KCNK1: variants seen among roughly 807,000 people sequenced by gnomAD.
KCNK1 encodes the protein potassium channel subfamily K member 1.
In KCNK1, 10 loss-of-function variants were observed where a neutral mutation model predicts 22.2. The observed-to-expected ratio is 0.45, with a 90% CI of 0.28 to 0.76. The LOEUF (loss-of-function observed/expected upper bound fraction) is 0.76. Among genes scored for constraint, KCNK1 ranks in the 30% least tolerant of loss-of-function variants. The probability of loss-of-function intolerance (pLI) is 0.14; values close to 1 mark genes in which losing one functional copy is unlikely to be tolerated. For synonymous variants in KCNK1, 200 were observed against 186.4 expected, an observed-to-expected ratio of 1.07 and a Z score of -0.60; for missense variants, 378 against 421.0, an observed-to-expected ratio of 0.90 and a Z score of 0.89.
At position 233,649,292 on chromosome 1, in the gene KCNK1, T is replaced by G. The variant is rs568613491; in HGVS notation, c.356-17303T>G. On this transcript the variant is annotated intron_variant, in intron 1 of 2. Coordinates refer to ENST00000366621, the MANE Select transcript of KCNK1 (RefSeq NM_002245.4). ...TCCAGAGGCTGTCTCAGCAAGTGCT[T>G]AAGTATCTAGACTAGAAATTCCCTT... 2.0e-5 allele frequency among the ~76,000 whole-genome samples: 3 copies of G among 152,336 alleles called. No individual in the cohort carries two copies. In the South Asian group the frequency reaches 6.2e-4, roughly 32 times the overall value.
At position 233,666,689 on chromosome 1, in the gene KCNK1, G is replaced by A. The variant is rs754284214; in HGVS notation, c.450G>A (p.Thr150=). ...IGIPFTLLFL[T]AVVQRITVHV... is the part of the protein sequence containing the mutation. Reference sequence around the variant, plus strand: ...TTCCCTTCACCCTCCTGTTCCTGACGGCTGTGGTCCAGCGCATCACCGTGC... The same window carrying A: ...TTCCCTTCACCCTCCTGTTCCTGACAGCTGTGGTCCAGCGCATCACCGTGC... The change falls in exon 2 of 3, where the codon ACG becomes ACA. Residue 150 remains threonine (T), a synonymous_variant. Coordinates refer to ENST00000366621, the MANE Select transcript of KCNK1 (RefSeq NM_002245.4). The A allele has an allele frequency of 6.8e-6, 11 of 1,613,918 alleles. No homozygotes were observed. The highest frequency in any genetic ancestry group is 2.2e-5 in the East Asian group (1 of 44,856).
chr1:233,621,680 T>A (rs2102882094), intron 1 of KCNK1, among the ~76,000 whole-genome samples: 1 of 152,328 alleles, frequency 6.6e-6, no homozygotes, highest in Non-Finnish European at 1.5e-5. Context: ...ATCTGTGAAC[T>A]CATACCTGTC....
At chr1:233,659,349 A>G (rs115591841) in intron 1 of KCNK1, among the ~76,000 whole-genome samples, 1,885 of 151,270 alleles carry the variant, frequency 0.012, 37 homozygotes, top group African/African-American at 0.043. Context: ...TTCCTATGAT[A>G]ACAATGCTTT....
intron 1 of KCNK1, among the ~76,000 whole-genome samples, chr1:233,648,806 A>G (rs954811871): frequency 9.2e-5 from 14 of 152,134 alleles, no homozygotes; most frequent in African/African-American, 3.4e-4. Flanking sequence ...ACCTCAGGTG[A>G]TCCACCTGCC....
chr1:233,630,851 A>C (rs1484319272), intron 1 of KCNK1: 1 of 160,334 alleles, frequency 6.2e-6, no homozygotes, highest in South Asian at 1.7e-4. Context: ...GAGACTTTCA[A>C]TCTCTTGATA....
chr1:233,641,025 C>T (rs112352430), intron 1 of KCNK1, among the ~76,000 whole-genome samples: 119 of 152,318 alleles, frequency 7.8e-4, no homozygotes, highest in African/African-American at 2.7e-3. Context: ...CTACTTTTCT[C>T]ATAGGCGATG....
At chr1:233,655,011 C>T (rs1373366421) in intron 1 of KCNK1, among the ~76,000 whole-genome samples, 1 of 152,142 alleles carries the variant, frequency 6.6e-6, no homozygotes, top group Non-Finnish European at 1.5e-5. Flanking sequence ...AGCCCCAGAC[C>T]TGTAGAGTCA....
At chr1:233,615,566 T>G (rs1331373272) in intron 1 of KCNK1, among the ~76,000 whole-genome samples, 1 of 152,210 alleles carries the variant, frequency 6.6e-6, no homozygotes, top group Non-Finnish European at 1.5e-5. Flanking sequence ...ATCTTTGAAA[T>G]AATCCATCTC....
chr1:233,626,438 T>G (rs1178926068), intron 1 of KCNK1, among the ~76,000 whole-genome samples: 1 of 152,182 alleles, frequency 6.6e-6, no homozygotes, highest in South Asian at 2.1e-4. Context: ...CAGTAAACCC[T>G]AATGGGGCGT....
chr1:233,614,309 GC>G lies in KCNK1; in HGVS notation c.141del (p.Tyr48MetfsTer12), dbSNP rs1241161729. Reference sequence around the variant, plus strand: ...CAGTGGTCTTCTCCTCGGTGGAGCTGCCCTATGAGGACCTGCTGCGCCAGGA... The same window carrying G: ...CAGTGGTCTTCTCCTCGGTGGAGCTGCCTATGAGGACCTGCTGCGCCAGGA... ...GAVVFSSVEL[P>X]YEDLLRQELR... On this transcript the variant is annotated frameshift_variant, in exon 1 of 3. Transcript: ENST00000366621. LOFTEE classifies it high-confidence loss of function. 3 of 1,612,472 alleles carry G rather than the reference GC, an allele frequency of 1.9e-6. No individual in the cohort carries two copies. Among genetic ancestry groups the G allele is most frequent in the Non-Finnish European group, 2.5e-6 (3 of 1,179,530 alleles).
chr1:233,671,451 T>C lies in KCNK1; in HGVS notation c.932T>C (p.Met311Thr). ...TCGATCACAGACCAGGCAGCTGGCA[T>C]GAAAGAGGACCAGAAGCAAAATGAG... ...FSSITDQAAGMKEDQKQNEPF... is the reference protein window; with the variant it reads ...FSSITDQAAGTKEDQKQNEPF... The change falls in exon 3 of 3, where the codon ATG becomes ACG. Residue 311 changes from methionine to threonine, a missense_variant. By Grantham distance (81) the Met-to-Thr change is moderately conservative (BLOSUM62 -1). Coordinates refer to ENST00000366621, the MANE Select transcript of KCNK1 (RefSeq NM_002245.4). The C allele has an allele frequency of 6.2e-7, 1 of 1,614,126 alleles. No homozygotes were observed. The highest frequency in any genetic ancestry group is 8.5e-7 in the Non-Finnish European group (1 of 1,180,014).
chr1:233,657,760 C>T (rs1468872387), intron 1 of KCNK1, among the ~76,000 whole-genome samples: 1 of 151,922 alleles, frequency 6.6e-6, no homozygotes, highest in Non-Finnish European at 1.5e-5. Context: ...CTATGCTGTC[C>T]TACTATAGCA....
intron 1 of KCNK1, among the ~76,000 whole-genome samples, chr1:233,641,080 G>A (rs1259232116): frequency 3.9e-5 from 6 of 152,162 alleles, no homozygotes; most frequent in Non-Finnish European, 7.3e-5. Flanking sequence ...AAAATCTAGT[G>A]AGTTTATCCT....
intron 1 of KCNK1, among the ~76,000 whole-genome samples, chr1:233,634,425 G>T (rs1455899984): frequency 6.6e-6 from 1 of 152,102 alleles, no homozygotes; most frequent in African/African-American, 2.4e-5. Flanking sequence ...GTTTATGTGC[G>T]GACAACAGGG....
intron 1 of KCNK1, among the ~76,000 whole-genome samples, chr1:233,654,692 C>A (rs1194060391): frequency 1.3e-5 from 2 of 152,042 alleles, no homozygotes; most frequent in Non-Finnish European, 2.9e-5. Context: ...GCAGGAGGAT[C>A]CCTTAAACCC....
chr1:233,628,347 T>G (rs549252451), intron 1 of KCNK1, among the ~76,000 whole-genome samples: 1 of 152,212 alleles, frequency 6.6e-6, no homozygotes, highest in South Asian at 2.1e-4. Flanking sequence ...CATTGGATAC[T>G]ATGTTCACTA....
chr1:233,630,076 T>TG (rs1168963539), intron 1 of KCNK1, among the ~76,000 whole-genome samples: 3 of 152,078 alleles, frequency 2.0e-5, no homozygotes, highest in African/African-American at 7.2e-5. Context: ...TTCTGAGAGG[T>TG]GGGCAATGGG....
At chr1:233,639,947 T>C (rs932464278) in intron 1 of KCNK1, among the ~76,000 whole-genome samples, 19 of 152,164 alleles carry the variant, frequency 1.2e-4, no homozygotes, top group Non-Finnish European at 2.4e-4. Context: ...TTGGGACATA[T>C]AGAAAAGAAG....
At chr1:233,624,978 C>T (rs1407414461) in intron 1 of KCNK1, among the ~76,000 whole-genome samples, 1 of 152,174 alleles carries the variant, frequency 6.6e-6, no homozygotes, top group Non-Finnish European at 1.5e-5. Flanking sequence ...GAGAAAACTT[C>T]TCCTTCACCC....
Sources: allele counts gnomAD v4.1 joint callset (sites outside exome capture counted in the v4.1 genomes callset), GRCh38; gene constraint gnomAD v4.1.1; transcripts MANE v1.5; gene names NCBI Gene and HGNC (gene_info 2026-07-23, HGNC 2026-07-21).